The following SPATA6 variants were observed in gnomAD, a reference collection of about 807,000 sequenced individuals.
The protein encoded by SPATA6 is spermatogenesis associated 6, also known as spermatogenesis-associated protein 6.
SPATA6 carries 56 observed loss-of-function variants against 65.3 expected under a neutral mutation model. The ratio of observed to expected loss-of-function variants is 0.86; its 90% CI spans 0.69 to 1.07. The LOEUF (loss-of-function observed/expected upper bound fraction) is 1.07, where lower values mean the gene tolerates loss of function less well. SPATA6 is among the 50% of genes least tolerant of loss of function. SPATA6 has a pLI of 0.00. For missense variants in SPATA6, 590 were observed against 594.8 expected (o/e 0.99, Z 0.08); for synonymous variants, 199 against 213.2 (o/e 0.93, Z 0.58).
chr1:48,309,330 A>C (rs2148661788), intron 11 of SPATA6, among the ~76,000 whole-genome samples: 1 of 152,006 alleles, frequency 6.6e-6, no homozygotes, highest in East Asian at 1.9e-4. Flanking sequence ...ATCTCATTTG[A>C]CTTGTCTTCA....
chr1:48,298,877 G>T lies in SPATA6; in HGVS notation c.1303C>A (p.Arg435Ser). 6.2e-7 allele frequency: 1 copy of T among 1,613,308 alleles called. No individual in the cohort carries two copies. Among genetic ancestry groups the T allele is most frequent in the Non-Finnish European group, 8.5e-7 (1 of 1,179,728 alleles). The change falls in exon 13 of 13, where the codon CGT becomes AGT. Residue 435 changes from arginine to serine, a missense_variant. By Grantham distance (110) the Arg-to-Ser change is moderately radical (BLOSUM62 -1). Transcript: ENST00000371847. ...CCGTCATCCAAATGGAAAGTGCCAC[G>T]TGGCTGCTGACATGAGCTATAAAAA... is the stretch of plus-strand genomic sequence containing the variant. ...DPEYSSCQQP[R>S]GTFHLDDGEY...
In SPATA6 at chr1:48,471,483, C is replaced by T. The variant is rs150350379; in HGVS notation, c.51+475G>A. Reference sequence around the variant, plus strand: ...CCTTCGAAGACAGAATAAAGAAAGGCCCCTTCATTAATGCGGGTTTGAAAC... The same window carrying T: ...CCTTCGAAGACAGAATAAAGAAAGGTCCCTTCATTAATGCGGGTTTGAAAC... On this transcript the variant is annotated intron_variant, in intron 1 of 12. Transcript: ENST00000371847. Among the ~76,000 whole-genome samples, 694 of 152,170 alleles carry T rather than the reference C, an allele frequency of 4.6e-3. 5 individuals are homozygous for T. Among genetic ancestry groups the T allele is most frequent in the African/African-American group, 0.016 (666 of 41,504 alleles).
At chr1:48,291,771 C>T (rs1644769822), downstream of SPATA6, among the ~76,000 whole-genome samples, 1 of 152,186 alleles carries the variant, frequency 6.6e-6, no homozygotes, top group Non-Finnish European at 1.5e-5. Flanking sequence ...ATTCTCTAGG[C>T]TTTCCTGGTG....
intron 8 of SPATA6, among the ~76,000 whole-genome samples, chr1:48,395,027 A>AAT (rs1411801383): frequency 6.6e-6 from 1 of 151,976 alleles, no homozygotes; most frequent in Non-Finnish European, 1.5e-5. Context: ...TTAACATGTT[A>AAT]ATATATATAT....
At chr1:48,458,831 G>A (rs992215775) in intron 1 of SPATA6, among the ~76,000 whole-genome samples, 1 of 152,106 alleles carries the variant, frequency 6.6e-6, no homozygotes, top group African/African-American at 2.4e-5. Context: ...TTTATATGGT[G>A]ATGAAAATGT....
intron 1 of SPATA6, among the ~76,000 whole-genome samples, chr1:48,464,106 G>C (rs1242378077): frequency 6.6e-6 from 1 of 151,986 alleles, no homozygotes; most frequent in East Asian, 1.9e-4. Context: ...TATTCTATTA[G>C]GTTCAACTAC....
At chr1:48,358,147 C>T (rs1283466908) in intron 10 of SPATA6, among the ~76,000 whole-genome samples, 4 of 151,870 alleles carry the variant, frequency 2.6e-5, no homozygotes, top group Admixed American at 6.6e-5. Context: ...TAGCTGTCAT[C>T]GATGAAGAAT....
At chr1:48,264,340 A>G in the SPATA6 span, among the ~76,000 whole-genome samples, 2 of 152,134 alleles carry the variant, frequency 1.3e-5, no homozygotes, top group African/African-American at 2.4e-5. Flanking sequence ...CAATTTCACC[A>G]TATACCCTTA....
chr1:48,314,632 C>A (rs1178050929), intron 11 of SPATA6, among the ~76,000 whole-genome samples: 1 of 152,106 alleles, frequency 6.6e-6, no homozygotes, highest in Non-Finnish European at 1.5e-5. Context: ...ATTAAAAGAA[C>A]TACAGAAGCA....
intron 3 of SPATA6, among the ~76,000 whole-genome samples, chr1:48,434,768 C>G (rs1389070584): frequency 1.3e-5 from 2 of 152,176 alleles, no homozygotes; most frequent in East Asian, 3.9e-4. Context: ...AATCCAGTTT[C>G]AACAGAAACT....
In SPATA6 at chr1:48,471,938, G is replaced by A. The variant is rs1489736809; in HGVS notation, c.51+20C>T. The A allele has an allele frequency of 6.2e-7, 1 of 1,609,848 alleles. No individual in the cohort carries two copies. The highest frequency in any genetic ancestry group is 2.2e-5 in the East Asian group (1 of 44,738). On this transcript the variant is annotated intron_variant, in intron 1 of 12. Coordinates refer to ENST00000371847, the MANE Select transcript of SPATA6 (RefSeq NM_019073.4). ...TCCCTGAGCCAATGCCCGGGGGTGG[G>A]AGGCGCTACCGGTACTCACTGAGCT...
intron 1 of SPATA6, among the ~76,000 whole-genome samples, chr1:48,470,906 G>A (rs550742867): frequency 1.1e-4 from 17 of 152,270 alleles, no homozygotes; most frequent in African/African-American, 3.1e-4. Context: ...TGAGTAAGAA[G>A]GAGCGAAGAG....
In SPATA6 at chr1:48,389,842, AT is replaced by A. The variant is rs201833909; in HGVS notation, c.869-4494del. Among the ~76,000 whole-genome samples the A allele has an allele frequency of 4.5e-3, 691 of 152,348 alleles. 3 individuals carry two copies. The highest frequency in any genetic ancestry group is 0.015 in the African/African-American group (617 of 41,582). On this transcript the variant is annotated intron_variant, in intron 8 of 12. Coordinates refer to ENST00000371847, the MANE Select transcript of SPATA6 (RefSeq NM_019073.4). ...TTTACCATCTTGAAAACACACGAAAATACAAAACTCAACAATAAAGCAAACA... is the reference window on the plus strand; with the variant it reads ...TTTACCATCTTGAAAACACACGAAAAACAAAACTCAACAATAAAGCAAACA...
intron 8 of SPATA6, among the ~76,000 whole-genome samples, chr1:48,394,817 C>G (rs1650426858): frequency 2.0e-5 from 3 of 151,988 alleles, no homozygotes; most frequent in Admixed American, 2.0e-4. Flanking sequence ...TACTATTTAA[C>G]CTTCATAAAA....
rs192222178 is a variant in SPATA6 at position 48,298,509 on chromosome 1, C to T, written c.*204G>A. Reference sequence around the variant, plus strand: ...TGTGACAGAGCTCTAATGTTTGTAACACAGCAGACTCTTCTGTAATAATTA... The same window carrying T: ...TGTGACAGAGCTCTAATGTTTGTAATACAGCAGACTCTTCTGTAATAATTA... On this transcript the variant is annotated 3_prime_UTR_variant, in exon 13 of 13. Coordinates refer to ENST00000371847, the MANE Select transcript of SPATA6 (RefSeq NM_019073.4). 4.7e-4 allele frequency: 212 copies of T among 455,248 alleles called. 1 individual carries two copies. Among genetic ancestry groups the T allele is most frequent in the African/African-American group, 3.9e-3 (199 of 50,418 alleles). The allele number at this position is 455,248 out of a possible 1,614,324, so 28.2% of individuals were successfully genotyped here.
intron 3 of SPATA6, among the ~76,000 whole-genome samples, chr1:48,415,030 G>C (rs1302482444): frequency 6.6e-6 from 1 of 151,520 alleles, no homozygotes; most frequent in Non-Finnish European, 1.5e-5. Flanking sequence ...ATAACAAACA[G>C]CAAGAGATTC....
intron 11 of SPATA6, chr1:48,325,536 T>TTCCTCTTCC: frequency 1.7e-6 from 2 of 1,185,926 alleles, no homozygotes; most frequent in South Asian, 2.4e-5. Context: ...CCGGGAGTTC[T>TTCCTCTTCC]TCCTCTTCCT....
chr1:48,297,669 A>C lies in SPATA6; in HGVS notation c.*1044T>G, dbSNP rs1569960334. 6.6e-6 allele frequency: 1 copy of C among 152,112 alleles called. No individual in the cohort carries two copies. The allele number at this position is 152,112 out of a possible 1,614,324, so 9.4% of individuals were successfully genotyped here. A position where few individuals can be genotyped will look rare whatever the true frequency, so the allele number is the denominator to read the frequency against. On this transcript the variant is annotated 3_prime_UTR_variant, in exon 13 of 13. Transcript: ENST00000371847. Reference sequence around the variant, plus strand: ...CCTTTCCCTCCCCTCACTCTCTATTAAATATAAAGTAGCTGATTTCTTTAT... The same window carrying C: ...CCTTTCCCTCCCCTCACTCTCTATTCAATATAAAGTAGCTGATTTCTTTAT...
At position 48,297,162 on chromosome 1, in the gene SPATA6, G is replaced by GTGTGTGTGTA. The variant is rs1557517211; in HGVS notation, c.*1550_*1551insTACACACACA. The GTGTGTGTGTA allele has an allele frequency of 7.3e-6, 1 of 136,166 alleles. No homozygotes were observed. 8.4% of individuals were successfully genotyped at this position (136,166 alleles called of 1,614,324 possible). A position where few individuals can be genotyped will look rare whatever the true frequency, so the allele number is the denominator to read the frequency against. On this transcript the variant is annotated 3_prime_UTR_variant, in exon 13 of 13. Transcript: ENST00000371847. ...TGTGTGTGTGTGTGTGTGTGTGTGT[G>GTGTGTGTGTA]TATGTGTGTAGCAAACAGATTTTCC... is the stretch of plus-strand genomic sequence containing the variant.
Sources: gnomAD v4.1 joint callset for allele counts (sites outside exome capture counted in the v4.1 genomes callset) on GRCh38, gnomAD v4.1.1 for gene constraint, MANE v1.5 for transcripts, NCBI Gene and HGNC (gene_info 2026-07-23, HGNC 2026-07-21) for gene names.